The following CDK5RAP1 variants were observed in gnomAD, a reference collection of about 807,000 sequenced individuals.
CDK5RAP1 encodes CDK5RAP1 mitochondrial tRNA methylthiotransferase, also known as mitochondrial tRNA methylthiotransferase CDK5RAP1.
A neutral mutation model predicts 64.5 loss-of-function variants in CDK5RAP1; 62 were observed. That is an observed-to-expected ratio of 0.96 (90% CI 0.78 to 1.19). The LOEUF (loss-of-function observed/expected upper bound fraction) is 1.19. CDK5RAP1 is among the 50% of genes most tolerant of loss of function. The pLI is 0.00. For synonymous variants in CDK5RAP1, 250 were observed against 261.9 expected, an observed-to-expected ratio of 0.95 and a Z score of 0.44; for missense variants, 657 against 735.0, an observed-to-expected ratio of 0.89 and a Z score of 1.23.
At chr20:33,370,376 G>GT (rs768445845) in intron 11 of CDK5RAP1, 123 bp downstream of exon 11, 2 of 955,650 alleles carry the variant, frequency 2.1e-6, no homozygotes, top group Non-Finnish European at 3.1e-6. Flanking sequence ...GAAGTGAATC[G>GT]TAAGAGCCTG....
At chr20:33,374,305 A>C in intron 8 of CDK5RAP1, 93 bp from the exon 9 acceptor site, 2 of 773,012 alleles carry the variant, frequency 2.6e-6, no homozygotes, top group East Asian at 5.1e-5. Flanking sequence ...CTCCAAGGTC[A>C]ATTTTCACAT....
intron 11 of CDK5RAP1, 115 bp downstream of exon 11, chr20:33,370,384 C>G: frequency 9.7e-7 from 1 of 1,026,720 alleles, no homozygotes; most frequent in Non-Finnish European, 1.4e-6. Flanking sequence ...TCGTAAGAGC[C>G]TGTGGTTTCT....
chr20:33,387,306 C>T lies in CDK5RAP1; in HGVS notation c.755+17G>A. 6.3e-7 allele frequency: 1 copy of T among 1,589,222 alleles called. No individual in the cohort carries two copies. Among genetic ancestry groups the T allele is most frequent in the East Asian group, 2.2e-5 (1 of 44,754 alleles). On this transcript the variant is annotated intron_variant, in intron 6 of 13. Transcript: ENST00000346416. ...GGAGGAAGAGGCTTATTCCCTATCT[C>T]TTAGGCAGTGACTCACACAAAGGCA...
chr20:33,366,606 C>T (rs764634227), intron 12 of CDK5RAP1, among the ~76,000 whole-genome samples: 1 of 152,014 alleles, frequency 6.6e-6, no homozygotes, highest in Non-Finnish European at 1.5e-5. Context: ...AGCGAGACTC[C>T]GTCTCAAAAA....
At chr20:33,363,725 C>G (rs1009210143) in intron 12 of CDK5RAP1, among the ~76,000 whole-genome samples, 2 of 151,868 alleles carry the variant, frequency 1.3e-5, no homozygotes, top group Admixed American at 6.6e-5. Flanking sequence ...GAGCAAAACC[C>G]CATCTCTACA....
At chr20:33,390,382 T>C (rs1988180562) in intron 5 of CDK5RAP1, among the ~76,000 whole-genome samples, 1 of 151,824 alleles carries the variant, frequency 6.6e-6, no homozygotes, top group South Asian at 2.1e-4. Context: ...AAGACAAAAT[T>C]GTATGGTTCC....
rs1600778493 is a variant in CDK5RAP1 at position 33,387,530 on chromosome 20, C to G, written c.548G>C (p.Cys183Ser). 6.2e-7 allele frequency: 1 copy of G among 1,613,496 alleles called. No individual in the cohort carries two copies. Among genetic ancestry groups the G allele is most frequent in the African/African-American group, 1.3e-5 (1 of 75,002 alleles). The stretch of plus-strand genomic sequence containing the variant: ...CTCCTCCTTCAACCTCTCAGCCATG[C>G]AGCCTGGAAGGGAAAAAGAAACAAG... ...RVPLRIGILG[C>S]MAERLKEEIL... The change falls in exon 6 of 14, where the codon TGC becomes TCC. Residue 183 changes from cysteine to serine, a missense_variant. Transcript: ENST00000346416.
Position 33,388,549 on chromosome 20 carries a change from C to T in CDK5RAP1, c.545-1016G>A, listed in dbSNP as rs1261369135. On this transcript the variant is annotated intron_variant, in intron 5 of 13. Transcript: ENST00000346416. Reference sequence around the variant, plus strand: ...CTCCCTCTCCCCCTCTCCCTCTCCCCCTCTCCCTCTCCCTCTCCCTCTCCC... The same window carrying T: ...CTCCCTCTCCCCCTCTCCCTCTCCCTCTCTCCCTCTCCCTCTCCCTCTCCC... Among the ~76,000 whole-genome samples the T allele has an allele frequency of 5.5e-3, 496 of 89,992 alleles. 7 individuals carry two copies. The highest frequency in any genetic ancestry group is 0.023 in the African/African-American group (473 of 20,404). 59.0% of individuals were successfully genotyped at this position (89,992 alleles called of 152,430 possible).
At chr20:33,391,540 G>A (rs1182249811) in intron 5 of CDK5RAP1, among the ~76,000 whole-genome samples, 1 of 152,206 alleles carries the variant, frequency 6.6e-6, no homozygotes, top group Non-Finnish European at 1.5e-5. Flanking sequence ...TGTGCTGTCA[G>A]GCCAGGCACG....
At chr20:33,393,541 C>T (rs949138442) in intron 4 of CDK5RAP1, among the ~76,000 whole-genome samples, 8 of 152,008 alleles carry the variant, frequency 5.3e-5, no homozygotes, top group Admixed American at 1.3e-4. Flanking sequence ...AATTAATTGA[C>T]AGTATAGCCG....
chr20:33,396,157 T>C (rs1600813097), intron 2 of CDK5RAP1, among the ~76,000 whole-genome samples: 1 of 152,308 alleles, frequency 6.6e-6, no homozygotes, highest in East Asian at 1.9e-4. Flanking sequence ...GGCCAGAGGG[T>C]ACATAAAGTC....
At chr20:33,379,769 AAATTAAC>A in intron 7 of CDK5RAP1, 78 bp from the exon 8 acceptor site, 2 of 1,042,130 alleles carry the variant, frequency 1.9e-6, no homozygotes, top group Non-Finnish European at 1.4e-6. Flanking sequence ...AAATTAGCTG[AAATTAAC>A]ATATCTTTTG....
At chr20:33,363,143 G>A (rs1485106195) in intron 12 of CDK5RAP1, among the ~76,000 whole-genome samples, 3 of 152,112 alleles carry the variant, frequency 2.0e-5, no homozygotes, top group Non-Finnish European at 4.4e-5. Context: ...TGCATAACCT[G>A]AATCTTATCA....
chr20:33,374,392 T>C lies in CDK5RAP1; in HGVS notation c.1108-180A>G, dbSNP rs148248654. Reference sequence around the variant, plus strand: ...TTGTTCAAGCCCCATTCTATTTGTCTCAGACACTTCACCTGATGGCATCTC... The same window carrying C: ...TTGTTCAAGCCCCATTCTATTTGTCCCAGACACTTCACCTGATGGCATCTC... On this transcript the variant is annotated intron_variant, in intron 8 of 13. Transcript: ENST00000346416. 9.7e-3 allele frequency among the ~76,000 whole-genome samples: 1,484 copies of C among 152,208 alleles called. 16 individuals are homozygous for C. The highest frequency in any genetic ancestry group is 0.033 in the African/African-American group (1,368 of 41,508).
At chr20:33,368,000 G>C (rs1250668642) in intron 11 of CDK5RAP1, among the ~76,000 whole-genome samples, 2 of 152,198 alleles carry the variant, frequency 1.3e-5, no homozygotes, top group Non-Finnish European at 2.9e-5. Context: ...TACCTCTGTT[G>C]TGCATTTACT....
At chr20:33,387,041 A>T (rs373525430) in intron 6 of CDK5RAP1, among the ~76,000 whole-genome samples, 11 of 151,950 alleles carry the variant, frequency 7.2e-5, no homozygotes, top group African/African-American at 2.7e-4. Context: ...AGGTGGGAGG[A>T]TCACCCAAGC....
intron 3 of CDK5RAP1, among the ~76,000 whole-genome samples, chr20:33,394,484 T>A (rs1988694097): frequency 6.6e-6 from 1 of 151,572 alleles, no homozygotes; most frequent in Non-Finnish European, 1.5e-5. Context: ...TTTTCCTTTT[T>A]TTTTTTTTTT....
intron 5 of CDK5RAP1, among the ~76,000 whole-genome samples, chr20:33,391,825 A>G (rs527315217): frequency 1.4e-5 from 2 of 145,416 alleles, no homozygotes; most frequent in Admixed American, 6.9e-5. Context: ...CATCTCAAAG[A>G]AAAAAAAAAA....
intron 12 of CDK5RAP1, among the ~76,000 whole-genome samples, chr20:33,363,680 A>C (rs1983351374): frequency 6.6e-6 from 1 of 152,096 alleles, no homozygotes; most frequent in Non-Finnish European, 1.5e-5. Flanking sequence ...GGAGGATTGC[A>C]TGAGGCAAGG....
Sources: allele counts gnomAD v4.1 joint callset (sites outside exome capture counted in the v4.1 genomes callset), GRCh38; gene constraint gnomAD v4.1.1; transcripts MANE v1.5; gene names NCBI Gene and HGNC (gene_info 2026-07-23, HGNC 2026-07-21).